The following CREB1 variants were observed in gnomAD, a reference collection of about 807,000 sequenced individuals.
CREB1 encodes the protein cAMP responsive element binding protein 1.
In CREB1, 2 loss-of-function variants were observed where a neutral mutation model predicts 42.0. That is an observed-to-expected ratio of 0.05 (90% confidence interval 0.02 to 0.15). CREB1 has a LOEUF of 0.15. Ranked by LOEUF, CREB1 falls within the 10% of genes least tolerant of loss-of-function variation. The pLI, the probability that CREB1 is intolerant of heterozygous loss-of-function variation, is 1.00. For synonymous variants in CREB1, 123 were observed against 139.9 expected (o/e 0.88, Z 0.85); for missense variants, 199 against 388.9 (o/e 0.51, Z 4.11).
At chr2:207,579,470 C>T (rs924903203) in intron 7 of CREB1, among the ~76,000 whole-genome samples, 1 of 152,148 alleles carries the variant, frequency 6.6e-6, no homozygotes, top group African/African-American at 2.4e-5. Flanking sequence ...TGTTTACCCC[C>T]GTTGACTGGC....
At chr2:207,590,566 T>C (rs1183200004) in intron 7 of CREB1, among the ~76,000 whole-genome samples, 1 of 152,150 alleles carries the variant, frequency 6.6e-6, no homozygotes, top group Non-Finnish European at 1.5e-5. Flanking sequence ...TATATACCTT[T>C]GTCTTATTTC....
Position 207,601,477 on chromosome 2 carries a change from G to C in CREB1, c.*4419G>C, listed in dbSNP as rs1042177265. ...ATATGACTAGCCCAGTTAATTAAAA[G>C]ACGGGCTCAAACCTTGTTTTATTCT... On this transcript the variant is annotated 3_prime_UTR_variant, in exon 8 of 8. Coordinates refer to ENST00000353267, the MANE Select transcript of CREB1 (RefSeq NM_004379.5). The C allele has an allele frequency of 7.3e-5, 14 of 192,532 alleles. No homozygotes were observed. The highest frequency in any genetic ancestry group is 3.2e-4 in the African/African-American group (14 of 43,114). 11.9% of individuals were successfully genotyped at this position (192,532 alleles called of 1,614,324 possible).
intron 1 of CREB1, among the ~76,000 whole-genome samples, chr2:207,544,909 T>A (rs2081239464): frequency 6.6e-6 from 1 of 152,256 alleles, no homozygotes; most frequent in Non-Finnish European, 1.5e-5. Context: ...TCTTGTTCTT[T>A]ATGGCTGCAT....
chr2:207,532,860 A>G (rs925862828), intron 1 of CREB1, among the ~76,000 whole-genome samples: 2 of 151,788 alleles, frequency 1.3e-5, no homozygotes, highest in African/African-American at 2.4e-5. Context: ...GGTTCAAGCA[A>G]TTCTCCTGCC....
intron 1 of CREB1, among the ~76,000 whole-genome samples, chr2:207,546,453 G>A (rs930227266): frequency 2.6e-5 from 4 of 152,160 alleles, no homozygotes; most frequent in South Asian, 2.1e-4. Flanking sequence ...TAGGCTGGGC[G>A]CAGTGGCTCA....
intron 3 of CREB1, among the ~76,000 whole-genome samples, chr2:207,564,700 C>T (rs544198001): frequency 1.3e-4 from 20 of 152,140 alleles, no homozygotes; most frequent in African/African-American, 4.6e-4. Context: ...CGGGGTCCTC[C>T]ACCTTTCCAA....
intron 7 of CREB1, among the ~76,000 whole-genome samples, chr2:207,585,037 A>T (rs1175897675): frequency 6.6e-6 from 1 of 151,728 alleles, no homozygotes; most frequent in East Asian, 1.9e-4. Flanking sequence ...GGACAGGCCC[A>T]TTGGTGTCCA....
chr2:207,570,918 G>A (rs1413996177), intron 5 of CREB1, among the ~76,000 whole-genome samples: 1 of 150,982 alleles, frequency 6.6e-6, no homozygotes, highest in African/African-American at 2.4e-5. Context: ...TGGCACTTAG[G>A]TCTGTCTTCT....
rs528189417 is a variant in CREB1 at position 207,575,982 on chromosome 2, T to TTTATTA, written c.688+543_688+548dup. Among the ~76,000 whole-genome samples the TTTATTA allele has an allele frequency of 3.1e-5, 4 of 127,648 alleles. No homozygotes were observed. In the Admixed American group the frequency reaches 3.8e-4, roughly 12 times the overall value. The allele number at this position is 127,648 out of a possible 152,430, so 83.7% of individuals were successfully genotyped here. ...TTTAAATCTTCTGAGATCATCAGTT[T>TTTATTA]TTATTATTATTATTATTATTTTTTT... On this transcript the variant is annotated intron_variant, in intron 6 of 7. Coordinates refer to ENST00000353267, the MANE Select transcript of CREB1 (RefSeq NM_004379.5).
intron 7 of CREB1, 149 bp from the exon 8 acceptor site, chr2:207,596,765 G>A: frequency 1.1e-6 from 1 of 951,552 alleles, no homozygotes; most frequent in Non-Finnish European, 1.5e-6. Flanking sequence ...TAATTTCCAA[G>A]TAATTCTGTA....
intron 1 of CREB1, among the ~76,000 whole-genome samples, chr2:207,542,723 T>C (rs1316295165): frequency 1.3e-5 from 2 of 152,228 alleles, no homozygotes; most frequent in Non-Finnish European, 2.9e-5. Context: ...GTGTATATCA[T>C]AAATTCTTGT....
chr2:207,534,638 T>C (rs1455736491), intron 1 of CREB1: 3 of 152,184 alleles, frequency 2.0e-5, no homozygotes, highest in Admixed American at 2.0e-4. Flanking sequence ...GCAAAATATG[T>C]GTCAAAAGAA....
rs1034775083 is a variant in CREB1, at chr2:207,605,458, G to A, written c.*8400G>A. 7.2e-5 allele frequency among the ~76,000 whole-genome samples: 11 copies of A among 151,868 alleles called. No homozygotes were observed. The East Asian group carries it at 7.7e-4, about 11-fold the overall frequency. ...GGTACTAGGCCCTTATAATATTTTC[G>A]CCTATAAGTTTTTGCTTTATAATGT... On this transcript the variant is annotated 3_prime_UTR_variant, in exon 8 of 8. Transcript: ENST00000353267.
At chr2:207,548,121 C>T (rs1472452289) in intron 1 of CREB1, among the ~76,000 whole-genome samples, 2 of 151,856 alleles carry the variant, frequency 1.3e-5, no homozygotes, top group Admixed American at 6.6e-5. Flanking sequence ...TTAGTAGAGA[C>T]GGGGTTTCAC....
rs143692765 is a variant in CREB1, at chr2:207,592,259, G to A, written c.840-4655G>A. On this transcript the variant is annotated intron_variant, in intron 7 of 7. Coordinates refer to ENST00000353267, the MANE Select transcript of CREB1 (RefSeq NM_004379.5). ...TCTCTCTACTAAAAATACAAAAAAT[G>A]AGCTGGGCGTGGTGGCACACGCCTG... 3.5e-3 allele frequency among the ~76,000 whole-genome samples: 534 copies of A among 151,472 alleles called. 3 individuals are homozygous for A. The highest frequency in any genetic ancestry group is 0.012 in the African/African-American group (478 of 41,296).
intron 3 of CREB1, among the ~76,000 whole-genome samples, chr2:207,564,081 G>C (rs2082052545): frequency 1.3e-5 from 2 of 151,918 alleles, no homozygotes; most frequent in African/African-American, 2.4e-5. Context: ...AAGAACTCTT[G>C]TTTTATAATA....
chr2:207,546,564 T>C (rs1307132684), intron 1 of CREB1, among the ~76,000 whole-genome samples: 2 of 151,878 alleles, frequency 1.3e-5, no homozygotes, highest in Non-Finnish European at 2.9e-5. Context: ...CCATCTCTAC[T>C]AAAAATAAAA....
chr2:207,565,553 AAAC>A (rs1236549090), intron 3 of CREB1, among the ~76,000 whole-genome samples: 3 of 152,258 alleles, frequency 2.0e-5, no homozygotes, highest in Non-Finnish European at 4.4e-5. Context: ...ACAGATTAAA[AAAC>A]AACATTAATT....
At chr2:207,559,231 G>T in intron 2 of CREB1, 1 of 884,154 alleles carries the variant, frequency 1.1e-6, no homozygotes, top group Non-Finnish European at 1.4e-6. Context: ...TCCACTCTGT[G>T]CTTGAAATTC....
Sources: allele counts gnomAD v4.1 joint callset (sites outside exome capture counted in the v4.1 genomes callset), GRCh38; gene constraint gnomAD v4.1.1; transcripts MANE v1.5; gene names NCBI Gene and HGNC (gene_info 2026-07-23, HGNC 2026-07-21).